Variants in INPP4B observed in about 807,000 individuals in gnomAD.
INPP4B encodes the protein inositol polyphosphate-4-phosphatase type II B.
A neutral mutation model predicts 122.5 loss-of-function variants in INPP4B; 55 were observed. The ratio of observed to expected loss-of-function variants is 0.45; its 90% CI spans 0.36 to 0.56. The LOEUF is 0.56. INPP4B is among the 20% of genes least tolerant of loss of function. The pLI, the probability that INPP4B is intolerant of heterozygous loss-of-function variation, is 0.00. For synonymous variants in INPP4B, 403 were observed against 388.7 expected (o/e 1.04, Z -0.43); for missense variants, 1,000 against 1,097.7 (o/e 0.91, Z 1.26).
At chr4:142,405,600 C>A (rs545174131) in intron 5 of INPP4B, among the ~76,000 whole-genome samples, 1 of 152,238 alleles carries the variant, frequency 6.6e-6, no homozygotes, top group East Asian at 1.9e-4. Flanking sequence ...TGACTATGCA[C>A]ACATGGCTCA....
chr4:142,830,867 A>G, intron 1 of INPP4B, among the ~76,000 whole-genome samples: 1 of 151,354 alleles, frequency 6.6e-6, no homozygotes, highest in East Asian at 1.9e-4. Flanking sequence ...AAAAAAAAAA[A>G]AAAAATTATC....
At chr4:142,437,258 C>T (rs536235371) in intron 3 of INPP4B, among the ~76,000 whole-genome samples, 3 of 152,050 alleles carry the variant, frequency 2.0e-5, no homozygotes, top group South Asian at 4.2e-4. Flanking sequence ...AAATATGGAA[C>T]AAAATCTTCA....
intron 12 of INPP4B, among the ~76,000 whole-genome samples, chr4:142,237,292 T>G (rs1427838832): frequency 1.3e-5 from 2 of 152,092 alleles, no homozygotes; most frequent in Admixed American, 1.3e-4. Flanking sequence ...CAAGAATTAT[T>G]ACAAGATCAA....
chr4:142,296,405 A>G (rs1758712367), intron 9 of INPP4B, among the ~76,000 whole-genome samples: 1 of 152,264 alleles, frequency 6.6e-6, no homozygotes, highest in African/African-American at 2.4e-5. Context: ...TAGGTAGTAC[A>G]ATGAGGACCT....
At position 142,484,106 on chromosome 4, in the gene INPP4B, G is replaced by A. The variant is rs527839600; in HGVS notation, c.-190-21380C>T. ...CACCTAAAACAGGCAAATGAAGTGT[G>A]AGAGCTATCATCTGCAGCCAGGTTA... On this transcript the variant is annotated intron_variant, in intron 2 of 25. Transcript: ENST00000262992. 1.6e-4 allele frequency among the ~76,000 whole-genome samples: 24 copies of A among 152,228 alleles called. No individual in the cohort carries two copies. In the East Asian group the frequency reaches 4.6e-3, roughly 29 times the overall value.
intron 18 of INPP4B, among the ~76,000 whole-genome samples, chr4:142,133,462 T>C (rs2152799015): frequency 6.6e-6 from 1 of 152,190 alleles, no homozygotes; most frequent in East Asian, 1.9e-4. Context: ...CCTTGACAAC[T>C]GTATTCATGT....
chr4:142,519,469 G>T (rs977849206), intron 2 of INPP4B, among the ~76,000 whole-genome samples: 1 of 152,076 alleles, frequency 6.6e-6, no homozygotes, highest in Non-Finnish European at 1.5e-5. Flanking sequence ...ATTGACTTCT[G>T]CTAACTGGCA....
intron 15 of INPP4B, among the ~76,000 whole-genome samples, chr4:142,191,035 C>A: frequency 6.6e-6 from 1 of 152,092 alleles, no homozygotes; most frequent in East Asian, 1.9e-4. Context: ...TAGATTAAGT[C>A]AACTCTCAAG....
chr4:142,518,123 G>C (rs1482940379), intron 2 of INPP4B, among the ~76,000 whole-genome samples: 1 of 152,080 alleles, frequency 6.6e-6, no homozygotes, highest in Non-Finnish European at 1.5e-5. Flanking sequence ...ATAATATATT[G>C]ATCTATTTCA....
At chr4:142,631,561 A>G (rs192722396) in intron 2 of INPP4B, among the ~76,000 whole-genome samples, 193 of 152,252 alleles carry the variant, frequency 1.3e-3, no homozygotes, top group Non-Finnish European at 2.2e-3. Context: ...AAATTTATTG[A>G]GGACATTAAG....
chr4:142,560,119 A>G (rs1347841732), intron 2 of INPP4B, among the ~76,000 whole-genome samples: 1 of 152,180 alleles, frequency 6.6e-6, no homozygotes, highest in Non-Finnish European at 1.5e-5. Flanking sequence ...TTATCAAGAC[A>G]TGTTTTCTCT....
intron 2 of INPP4B, among the ~76,000 whole-genome samples, chr4:142,610,580 A>T (rs1013383805): frequency 1.3e-5 from 2 of 152,206 alleles, no homozygotes; most frequent in Non-Finnish European, 2.9e-5. Context: ...AATTAAAAAA[A>T]TTTAGACAGA....
chr4:142,671,696 A>G lies in INPP4B; in HGVS notation c.-191+54143T>C, dbSNP rs535184741. On this transcript the variant is annotated intron_variant, in intron 2 of 25. Transcript: ENST00000262992. ...TAGACTTAGTAGGTTTGGAGGTCTT[A>G]GTTCCAAGATAGTAACACTTCCACC... 2.6e-5 allele frequency among the ~76,000 whole-genome samples: 4 copies of G among 152,278 alleles called. No individual in the cohort carries two copies. The South Asian group carries it at 8.3e-4, about 32-fold the overall frequency.
intron 17 of INPP4B, among the ~76,000 whole-genome samples, chr4:142,152,974 A>C (rs75040881): frequency 0.016 from 2,397 of 152,318 alleles, 81 homozygotes; most frequent in African/African-American, 0.055. Flanking sequence ...GGTAGTAAAA[A>C]AAAACTATAC....
chr4:142,765,295 T>C, intron 1 of INPP4B, among the ~76,000 whole-genome samples: 1 of 152,098 alleles, frequency 6.6e-6, no homozygotes, highest in East Asian at 1.9e-4. Flanking sequence ...AAGGCACTTA[T>C]AGGTGGGGGT....
intron 2 of INPP4B, among the ~76,000 whole-genome samples, chr4:142,615,261 A>G (rs745397196): frequency 2.6e-5 from 4 of 152,168 alleles, no homozygotes; most frequent in Non-Finnish European, 5.9e-5. Context: ...ACATTTTAGA[A>G]AGGGAGGAGG....
rs1265725149 is a variant in INPP4B, at chr4:142,208,517, T to C, written c.980A>G (p.Lys327Arg). The C allele has an allele frequency of 1.9e-6, 3 of 1,586,954 alleles. No homozygotes were observed. The highest frequency in any genetic ancestry group is 2.6e-6 in the Non-Finnish European group (3 of 1,162,996). ...ELSKETGSSF[K>R]SSSSKGEKTL... ...TTTCTCTCCTTTGCTGCTGCTTGAT[T>C]TGAAAGAGGACCCTGATGGAAACCA... is the stretch of plus-strand genomic sequence containing the variant. The change falls in exon 14 of 26, where the codon AAA (lysine) becomes AGA (arginine). Residue 327 changes from lysine to arginine, a missense_variant. Transcript: ENST00000262992.
intron 9 of INPP4B, among the ~76,000 whole-genome samples, chr4:142,280,392 T>C (rs1750639694): frequency 6.6e-6 from 1 of 151,986 alleles, no homozygotes; most frequent in Admixed American, 6.6e-5. Flanking sequence ...ACCACCAACT[T>C]GGATGAATTG....
chr4:142,212,852 G>T (rs930785659), intron 12 of INPP4B, among the ~76,000 whole-genome samples: 2 of 152,052 alleles, frequency 1.3e-5, no homozygotes, highest in South Asian at 4.2e-4. Flanking sequence ...TTGAGTCCTG[G>T]GTATGATAAA....
Sources: gnomAD v4.1 joint callset for allele counts (sites outside exome capture counted in the v4.1 genomes callset) on GRCh38, gnomAD v4.1.1 for gene constraint, MANE v1.5 for transcripts, NCBI Gene and HGNC (gene_info 2026-07-23, HGNC 2026-07-21) for gene names.